Variants in AGBL3 observed in about 807,000 individuals in gnomAD.
AGBL3 encodes the protein cytosolic carboxypeptidase 3.
In AGBL3, 68 loss-of-function variants were observed where a neutral mutation model predicts 94.5. The ratio of observed to expected loss-of-function variants is 0.72; its 90% CI spans 0.59 to 0.88. The LOEUF is 0.88. Ranked by LOEUF, AGBL3 falls within the 40% of genes least tolerant of loss-of-function variation. AGBL3 has a pLI of 0.00. For synonymous variants in AGBL3, 354 were observed against 370.7 expected (o/e 0.95, Z 0.52); for missense variants, 934 against 1,103.8 (o/e 0.85, Z 2.18).
intron 5 of AGBL3, among the ~76,000 whole-genome samples, chr7:135,026,093 A>G (rs2116349462): frequency 6.6e-6 from 1 of 151,516 alleles, no homozygotes; most frequent in East Asian, 2.1e-4. Context: ...CAGCAACCAC[A>G]GAATATGTAT....
intron 16 of AGBL3, among the ~76,000 whole-genome samples, chr7:135,133,344 G>A (rs1482510824): frequency 6.6e-6 from 1 of 152,188 alleles, no homozygotes; most frequent in African/African-American, 2.4e-5. Flanking sequence ...CAATAAAGAT[G>A]TCAGTTCTTC....
chr7:135,017,017 G>T, intron 4 of AGBL3, 35 bp from the exon 5 acceptor site: 1 of 1,325,908 alleles, frequency 7.5e-7, no homozygotes, highest in Non-Finnish European at 1.1e-6. Flanking sequence ...TTATTTTGAA[G>T]TCATCTTCAA....
chr7:135,054,382 G>A lies in AGBL3; in HGVS notation c.1842-4787G>A, dbSNP rs557981983. Among the ~76,000 whole-genome samples the A allele has an allele frequency of 1.1e-4, 17 of 152,278 alleles. No homozygotes were observed. In the South Asian group the frequency reaches 3.3e-3, roughly 30 times the overall value. On this transcript the variant is annotated intron_variant, in intron 11 of 16. Coordinates refer to ENST00000436302, the MANE Select transcript of AGBL3 (RefSeq NM_178563.4). ...TTAAATTCCTTTTATAGCTGCTGCT[G>A]AAAAAGGAAGCATTGTGTTTCAAAA... is the stretch of plus-strand genomic sequence containing the variant.
intron 4 of AGBL3, chr7:135,009,986 GTTATT>G (rs1812906936): frequency 2.4e-6 from 1 of 417,604 alleles, no homozygotes; most frequent in Non-Finnish European, 4.7e-6. Context: ...TTTGCAGTTT[GTTATT>G]TTATTTTTTG....
At chr7:134,991,136 T>C (rs1178746833) in intron 3 of AGBL3, among the ~76,000 whole-genome samples, 4 of 147,242 alleles carry the variant, frequency 2.7e-5, no homozygotes, top group African/African-American at 7.5e-5. Flanking sequence ...GTTTTCCTTG[T>C]ATTGGTTTGG....
intron 14 of AGBL3, among the ~76,000 whole-genome samples, chr7:135,081,472 T>A (rs1006933688): frequency 4.6e-5 from 7 of 152,150 alleles, no homozygotes; most frequent in Non-Finnish European, 1.0e-4. Context: ...AACTGTCTAT[T>A]TGTGTGTTTT....
chr7:134,993,453 C>T (rs1193604571), intron 3 of AGBL3, 40 bp from the exon 4 acceptor site: 12 of 1,462,142 alleles, frequency 8.2e-6, no homozygotes, highest in Non-Finnish European at 1.0e-5. Flanking sequence ...TGGTATTTTT[C>T]TTCTTCCCAC....
intron 16 of AGBL3, among the ~76,000 whole-genome samples, chr7:135,132,436 C>G (rs1015240149): frequency 6.6e-6 from 1 of 152,102 alleles, no homozygotes; most frequent in African/African-American, 2.4e-5. Context: ...TTAATTGGCA[C>G]AGAAATTGGT....
chr7:134,990,270 T>G (rs972247422), intron 3 of AGBL3, among the ~76,000 whole-genome samples: 1 of 152,198 alleles, frequency 6.6e-6, no homozygotes, highest in African/African-American at 2.4e-5. Flanking sequence ...CCTTCCAGGC[T>G]TCACCCCTGG....
chr7:134,997,535 C>CAA (rs1259957719), intron 4 of AGBL3, among the ~76,000 whole-genome samples: 2 of 152,200 alleles, frequency 1.3e-5, no homozygotes, highest in East Asian at 3.9e-4. Context: ...GTTATATTTA[C>CAA]ATTCAGTGCC....
At chr7:135,053,501 G>A (rs1164959544) in intron 11 of AGBL3, among the ~76,000 whole-genome samples, 1 of 152,156 alleles carries the variant, frequency 6.6e-6, no homozygotes, top group Non-Finnish European at 1.5e-5. Context: ...CAGCTACTCG[G>A]GAGGCTGAGG....
chr7:135,077,434 G>A (rs1030309098), intron 13 of AGBL3, among the ~76,000 whole-genome samples: 8 of 152,122 alleles, frequency 5.3e-5, no homozygotes, highest in African/African-American at 1.9e-4. Flanking sequence ...GGAGGGAAGA[G>A]TGCCATTTCC....
chr7:135,085,233 A>G (rs1821241302), intron 15 of AGBL3, among the ~76,000 whole-genome samples: 1 of 151,900 alleles, frequency 6.6e-6, no homozygotes, highest in Non-Finnish European at 1.5e-5. Flanking sequence ...TAATTCCCTT[A>G]TATATTCTGG....
At chr7:135,040,885 C>CACCACACACACCACACA (rs60759991) in intron 8 of AGBL3, among the ~76,000 whole-genome samples, 2 of 120,974 alleles carry the variant, frequency 1.7e-5, no homozygotes, top group East Asian at 2.0e-4. Flanking sequence ...CACACACACA[C>CACCACACACACCACACA]CACACACACA....
intron 12 of AGBL3, among the ~76,000 whole-genome samples, chr7:135,070,504 G>C (rs1335376713): frequency 6.6e-6 from 1 of 152,164 alleles, no homozygotes; most frequent in Non-Finnish European, 1.5e-5. Flanking sequence ...GAATCCAACA[G>C]CACATCAAAA....
chr7:135,102,730 T>G (rs1824037740), intron 15 of AGBL3, among the ~76,000 whole-genome samples: 2 of 151,286 alleles, frequency 1.3e-5, no homozygotes, highest in Non-Finnish European at 2.9e-5. Context: ...CATATAAAAA[T>G]TAACCCTAAC....
chr7:135,045,802 T>G lies in AGBL3; in HGVS notation c.1732T>G (p.Tyr578Asp). 5 of 1,545,536 alleles carry G rather than the reference T, an allele frequency of 3.2e-6. No homozygotes were observed. Among genetic ancestry groups the G allele is most frequent in the Non-Finnish European group, 4.4e-6 (5 of 1,143,306 alleles). ...DYCDPDRTKY[Y>D]RCLKELEEME... ...CTCATTTATTACTTTTGCCTAGTAT[T>G]ATCGGTGCCTGAAAGAATTAGAAGA... Residue 578 changes from tyrosine to aspartate, a missense_variant, in exon 11 of 17, where the codon TAT (tyrosine) becomes GAT (aspartate). By Grantham distance (160) the Tyr-to-Asp change is radical. This residue lies in a region of AGBL3 where 441 missense variants were observed against 518.2 expected (regional missense o/e 0.85). Coordinates refer to ENST00000436302, the MANE Select transcript of AGBL3 (RefSeq NM_178563.4).
intron 5 of AGBL3, among the ~76,000 whole-genome samples, chr7:135,029,220 C>G (rs1297304283): frequency 6.6e-6 from 1 of 152,188 alleles, no homozygotes. Context: ...CTTTGAAGCT[C>G]TGAAGCAGGG....
chr7:135,002,205 T>C (rs1293775652), intron 4 of AGBL3, among the ~76,000 whole-genome samples: 1 of 152,142 alleles, frequency 6.6e-6, no homozygotes, highest in African/African-American at 2.4e-5. Flanking sequence ...AGAAAAACCA[T>C]GACATTAATG....
Sources: gnomAD v4.1 joint callset for allele counts (sites outside exome capture counted in the v4.1 genomes callset) on GRCh38, gnomAD v4.1.1 for gene constraint, gnomAD v4.1.1 regional missense constraint, MANE v1.5 for transcripts, NCBI Gene and HGNC (gene_info 2026-07-23, HGNC 2026-07-21) for gene names.